AGMO: variants seen among roughly 807,000 people sequenced by gnomAD.
The protein encoded by AGMO is glyceryl-ether monooxygenase.
In AGMO, 75 loss-of-function variants were observed where a neutral mutation model predicts 60.2. That is an observed-to-expected ratio of 1.25 (90% CI 1.03 to 1.51). The LOEUF (loss-of-function observed/expected upper bound fraction) is 1.51. Ranked by LOEUF, AGMO falls within the 40% of genes most tolerant of loss-of-function variation. AGMO has a pLI of 0.00. For missense variants in AGMO, 763 were observed against 525.5 expected, an observed-to-expected ratio of 1.45 and a Z score of -4.42; for synonymous variants, 261 against 177.1, an observed-to-expected ratio of 1.47 and a Z score of -3.76.
intron 12 of AGMO, among the ~76,000 whole-genome samples, chr7:15,248,720 G>A (rs1452474917): frequency 2.6e-5 from 4 of 152,170 alleles, no homozygotes; most frequent in African/African-American, 9.7e-5. Flanking sequence ...GTATTTGGAA[G>A]AATGACAGGA....
At chr7:15,203,866 T>C (rs906962805) in intron 12 of AGMO, among the ~76,000 whole-genome samples, 2 of 152,172 alleles carry the variant, frequency 1.3e-5, no homozygotes, top group African/African-American at 2.4e-5. Context: ...TGAACATCCA[T>C]AGTGAATTCA....
chr7:15,452,367 A>C (rs1781877743), intron 3 of AGMO, among the ~76,000 whole-genome samples: 1 of 152,202 alleles, frequency 6.6e-6, no homozygotes, highest in Non-Finnish European at 1.5e-5. Context: ...GGAATATATA[A>C]AGAACTCTTA....
Position 15,289,528 on chromosome 7 carries a change from T to C in AGMO, c.1263+75986A>G, listed in dbSNP as rs1404229348. On this transcript the variant is annotated intron_variant, in intron 12 of 12. Transcript: ENST00000342526. ...TACATGCTTTGTGGCTCACCAAGTA[T>C]ATATTATCTCCAAAAAAGAAATTTA... Among the ~76,000 whole-genome samples the C allele has an allele frequency of 2.0e-5, 3 of 151,842 alleles. No homozygotes were observed. In the East Asian group the frequency reaches 5.8e-4, roughly 29 times the overall value.
chr7:15,522,541 C>T (rs923276158), intron 3 of AGMO, among the ~76,000 whole-genome samples: 8 of 152,034 alleles, frequency 5.3e-5, no homozygotes, highest in African/African-American at 1.9e-4. Flanking sequence ...TCAGAAATAA[C>T]ACCACACATC....
At chr7:15,531,020 ATATATTC>A (rs1784306464) in intron 3 of AGMO, among the ~76,000 whole-genome samples, 3 of 88,586 alleles carry the variant, frequency 3.4e-5, no homozygotes, top group African/African-American at 1.4e-4. Flanking sequence ...TATATATTCT[ATATATTC>A]CATATATATT....
intron 3 of AGMO, among the ~76,000 whole-genome samples, chr7:15,438,983 T>G (rs1272809130): frequency 6.6e-6 from 1 of 152,182 alleles, no homozygotes; most frequent in African/African-American, 2.4e-5. Flanking sequence ...GGGAAAGCAC[T>G]TCCTAGGAAA....
chr7:15,363,502 T>G (rs1039313061), intron 12 of AGMO, among the ~76,000 whole-genome samples: 1 of 152,258 alleles, frequency 6.6e-6, no homozygotes, highest in East Asian at 1.9e-4. Context: ...AATAGGTAAG[T>G]GGTGAAGTAA....
chr7:15,251,935 A>C (rs998357010), intron 12 of AGMO, among the ~76,000 whole-genome samples: 8 of 152,184 alleles, frequency 5.3e-5, no homozygotes, highest in African/African-American at 1.9e-4. Flanking sequence ...CCCAAAATAT[A>C]ATATGTTTAC....
intron 10 of AGMO, among the ~76,000 whole-genome samples, chr7:15,366,980 GA>G (rs918270399): frequency 1.3e-5 from 2 of 151,926 alleles, no homozygotes; most frequent in African/African-American, 4.8e-5. Flanking sequence ...AGAATTAGAG[GA>G]AAAGCAGATA....
chr7:15,238,243 G>T (rs2128501886), intron 12 of AGMO, among the ~76,000 whole-genome samples: 1 of 152,010 alleles, frequency 6.6e-6, no homozygotes, highest in African/African-American at 2.4e-5. Flanking sequence ...ACACACGTGT[G>T]TGTATTTTTA....
chr7:15,497,842 C>T (rs1190563425), intron 3 of AGMO, among the ~76,000 whole-genome samples: 1 of 151,906 alleles, frequency 6.6e-6, no homozygotes, highest in Non-Finnish European at 1.5e-5. Context: ...GTTGGATAAG[C>T]TGAATTTGAA....
chr7:15,508,827 G>A (rs918612987), intron 3 of AGMO, among the ~76,000 whole-genome samples: 1 of 151,932 alleles, frequency 6.6e-6, no homozygotes, highest in Admixed American at 6.6e-5. Context: ...AAATAATAAT[G>A]TATGGATATT....
At chr7:15,278,274 G>T (rs1458329533) in intron 12 of AGMO, among the ~76,000 whole-genome samples, 2 of 152,114 alleles carry the variant, frequency 1.3e-5, no homozygotes, top group Non-Finnish European at 2.9e-5. Flanking sequence ...ACATGTGGGT[G>T]GGCATTAGCT....
chr7:15,160,418 G>T, the AGMO span, among the ~76,000 whole-genome samples: 3 of 152,140 alleles, frequency 2.0e-5, no homozygotes, highest in African/African-American at 7.2e-5. Flanking sequence ...ATGTAAATCC[G>T]TAATGACTTA....
chr7:15,294,929 C>T lies in AGMO; in HGVS notation c.1263+70585G>A, dbSNP rs993549525. On this transcript the variant is annotated intron_variant, in intron 12 of 12. Transcript: ENST00000342526. Reference sequence around the variant, plus strand: ...TATGAAAACATAATTTTAACTTCCACGTCATAAACCTAAATAATGCCTAAA... The same window carrying T: ...TATGAAAACATAATTTTAACTTCCATGTCATAAACCTAAATAATGCCTAAA... Among the ~76,000 whole-genome samples the T allele has an allele frequency of 6.0e-5, 9 of 151,134 alleles. No homozygotes were observed. The East Asian group carries it at 1.4e-3, about 23-fold the overall frequency.
At chr7:15,399,529 T>C (rs1338667223) in intron 5 of AGMO, among the ~76,000 whole-genome samples, 2 of 152,216 alleles carry the variant, frequency 1.3e-5, no homozygotes, top group African/African-American at 4.8e-5. Flanking sequence ...AGACTATTTC[T>C]TAAGCTATTT....
chr7:15,169,874 C>A, the AGMO span, among the ~76,000 whole-genome samples: 4 of 152,174 alleles, frequency 2.6e-5, no homozygotes, highest in African/African-American at 2.4e-5. Flanking sequence ...ATCTGAGGAA[C>A]GTGACTCTAT....
chr7:15,375,062 G>C (rs1259554017), intron 10 of AGMO, among the ~76,000 whole-genome samples: 2 of 152,070 alleles, frequency 1.3e-5, no homozygotes, highest in Non-Finnish European at 2.9e-5. Context: ...CCAAAGGGTT[G>C]TGCCTCAGTA....
intron 3 of AGMO, among the ~76,000 whole-genome samples, chr7:15,460,130 G>A (rs1782107651): frequency 8.1e-6 from 1 of 123,648 alleles, no homozygotes; most frequent in Admixed American, 8.7e-5. Context: ...TTTTTGAGAA[G>A]GTGTCTTGCT....
Sources: allele counts gnomAD v4.1 joint callset (sites outside exome capture counted in the v4.1 genomes callset), GRCh38; gene constraint gnomAD v4.1.1; transcripts MANE v1.5; gene names NCBI Gene and HGNC (gene_info 2026-07-23, HGNC 2026-07-21).